MYT1L: variants seen among roughly 807,000 people sequenced by gnomAD.
The protein encoded by MYT1L is myelin transcription factor 1-like protein.
Under a neutral mutation model 126.7 loss-of-function variants are expected in MYT1L, and 12 were observed. That is an observed-to-expected ratio of 0.09 (90% confidence interval 0.06 to 0.15). MYT1L has a LOEUF of 0.15. MYT1L is among the 10% of genes least tolerant of loss of function. The probability of loss-of-function intolerance (pLI) is 1.00; values close to 1 mark genes in which losing one functional copy is unlikely to be tolerated. For missense variants in MYT1L, 979 were observed against 1,585.2 expected, an observed-to-expected ratio of 0.62 and a Z score of 6.49; for synonymous variants, 541 against 604.2, an observed-to-expected ratio of 0.90 and a Z score of 1.53.
chr2:2,144,489 G>A (rs1383789974), intron 3 of MYT1L, among the ~76,000 whole-genome samples: 1 of 152,196 alleles, frequency 6.6e-6, no homozygotes, highest in Non-Finnish European at 1.5e-5. Context: ...TCCATAGTCT[G>A]TGCAGAATCC....
chr2:1,808,115 A>G (rs1298729779), intron 22 of MYT1L, among the ~76,000 whole-genome samples: 1 of 152,172 alleles, frequency 6.6e-6, no homozygotes, highest in Non-Finnish European at 1.5e-5. Flanking sequence ...TGGAGCTGTG[A>G]GTTGATTAAT....
At chr2:1,954,911 AAAAG>A (rs1442425080) in intron 8 of MYT1L, among the ~76,000 whole-genome samples, 145 of 152,104 alleles carry the variant, frequency 9.5e-4, no homozygotes, top group African/African-American at 3.2e-3. Context: ...ACTTAATAAA[AAAAG>A]AAAGAAAGAA....
At chr2:2,327,624 T>C (rs917694638) in intron 1 of MYT1L, among the ~76,000 whole-genome samples, 14 of 152,200 alleles carry the variant, frequency 9.2e-5, no homozygotes, top group Non-Finnish European at 2.1e-4. Context: ...ATTTGCCTCC[T>C]GAACAGAGTT....
At chr2:2,282,937 T>C (rs970846768) in intron 2 of MYT1L, among the ~76,000 whole-genome samples, 2 of 152,128 alleles carry the variant, frequency 1.3e-5, no homozygotes, top group African/African-American at 4.8e-5. Context: ...TAGCCAGGTG[T>C]GGTGGCATGT....
intron 5 of MYT1L, among the ~76,000 whole-genome samples, chr2:1,987,179 G>C (rs1002389459): frequency 6.6e-6 from 1 of 152,098 alleles, no homozygotes; most frequent in African/African-American, 2.4e-5. Context: ...AGGGCTGGGG[G>C]GTACCCGAAC....
At chr2:1,901,576 T>C (rs1240756870) in intron 14 of MYT1L, among the ~76,000 whole-genome samples, 2 of 152,180 alleles carry the variant, frequency 1.3e-5, no homozygotes, top group African/African-American at 4.8e-5. Flanking sequence ...ACTATACAAA[T>C]AAATTATTAT....
At chr2:1,968,947 G>C (rs1462494304) in intron 8 of MYT1L, among the ~76,000 whole-genome samples, 1 of 152,090 alleles carries the variant, frequency 6.6e-6, no homozygotes, top group Admixed American at 6.5e-5. Context: ...GGTGCTTCTG[G>C]GGCACCCCAG....
rs138553185 is a variant in MYT1L at position 2,069,471 on chromosome 2, T to C, written c.-303-15348A>G. Among the ~76,000 whole-genome samples, 567 of 152,336 alleles carry C rather than the reference T, an allele frequency of 3.7e-3. 3 individuals are homozygous for C. Among genetic ancestry groups the C allele is most frequent in the African/African-American group, 0.011 (474 of 41,578 alleles). On this transcript the variant is annotated intron_variant, in intron 3 of 24. Coordinates refer to ENST00000647738, the MANE Select transcript of MYT1L (RefSeq NM_001303052.2). ...CACATTTGCTTTATCCAGTCTATCA[T>C]TGATAGGCATTTGGGTTGGTTCCAA...
chr2:2,020,380 G>A (rs1029344462), intron 4 of MYT1L, among the ~76,000 whole-genome samples: 12 of 152,212 alleles, frequency 7.9e-5, no homozygotes, highest in African/African-American at 2.9e-4. Context: ...AGATGCCAAG[G>A]AGTCGCCCTT....
rs2054610859 is a variant in MYT1L at position 1,929,135 on chromosome 2, G to C, written c.506-5872C>G. 6.6e-6 allele frequency among the ~76,000 whole-genome samples: 1 copy of C among 152,176 alleles called. No individual in the cohort carries two copies. The highest frequency in any genetic ancestry group is 6.5e-5 in the Admixed American group (1 of 15,280). On this transcript the variant is annotated intron_variant, in intron 9 of 24. Transcript: ENST00000647738. The surrounding 1 kb of genome is among the most constrained non-coding windows in gnomAD (Gnocchi z 4.7). ...TTCAAAGGCCCCAGGCGCATGCTGAGACACTGCAGTCTCTTTCCTTTCATA... is the reference window on the plus strand; with the variant it reads ...TTCAAAGGCCCCAGGCGCATGCTGACACACTGCAGTCTCTTTCCTTTCATA...
chr2:2,257,395 A>G (rs905788023), intron 2 of MYT1L, among the ~76,000 whole-genome samples: 1 of 152,142 alleles, frequency 6.6e-6, no homozygotes, highest in African/African-American at 2.4e-5. Context: ...GAAAGATCCA[A>G]TCTTGGCTGC....
At chr2:2,030,782 C>T (rs759816489) in intron 4 of MYT1L, among the ~76,000 whole-genome samples, 1 of 152,182 alleles carries the variant, frequency 6.6e-6, no homozygotes, top group Non-Finnish European at 1.5e-5. Flanking sequence ...TCTCAGCCCA[C>T]ACTGATATGA....
rs147538907 is a variant in MYT1L, at chr2:2,038,535, C to T, written c.-158+15443G>A. On this transcript the variant is annotated intron_variant, in intron 4 of 24. Transcript: ENST00000647738. ...CCCAGTTCGGCTCATCTTGTCTGGA[C>T]GCCATGTTTATTTGTCAATATTTCT... is the stretch of plus-strand genomic sequence containing the variant. 3.3e-3 allele frequency among the ~76,000 whole-genome samples: 506 copies of T among 152,272 alleles called. 5 individuals carry two copies. The highest frequency in any genetic ancestry group is 7.3e-3 in the Admixed American group (111 of 15,292).
intron 9 of MYT1L, among the ~76,000 whole-genome samples, chr2:1,928,906 G>A (rs114795493): frequency 0.011 from 1,733 of 152,240 alleles, 16 homozygotes; most frequent in Middle Eastern, 0.034. Context: ...CAGGTGCCTG[G>A]GAAGCCTGAG....
At chr2:2,069,150 G>A (rs988420938) in intron 3 of MYT1L, among the ~76,000 whole-genome samples, 3 of 151,908 alleles carry the variant, frequency 2.0e-5, no homozygotes, top group African/African-American at 7.3e-5. Flanking sequence ...GCATACATGT[G>A]CCATGGTGGT....
chr2:1,904,759 G>A (rs970399645), intron 13 of MYT1L, among the ~76,000 whole-genome samples: 5 of 151,750 alleles, frequency 3.3e-5, no homozygotes, highest in Admixed American at 1.3e-4. Context: ...AGCCTCCCAG[G>A]CAGCTGGGAT....
intron 22 of MYT1L, among the ~76,000 whole-genome samples, chr2:1,804,399 G>A (rs1213087613): frequency 6.6e-6 from 1 of 152,140 alleles, no homozygotes; most frequent in African/African-American, 2.4e-5. Context: ...TGGGATTACA[G>A]GCGTGAGCCA....
chr2:1,861,917 T>TCTG (rs2044706279), intron 18 of MYT1L, among the ~76,000 whole-genome samples: 15 of 152,234 alleles, frequency 9.9e-5, no homozygotes, highest in South Asian at 4.1e-4. Flanking sequence ...TAATCCTGGA[T>TCTG]CCTCCTGCAG....
intron 11 of MYT1L, among the ~76,000 whole-genome samples, chr2:1,916,989 TA>T (rs1303091237): frequency 1.3e-5 from 2 of 152,158 alleles, no homozygotes; most frequent in Non-Finnish European, 2.9e-5. Context: ...GGAGCTTTGT[TA>T]GGGGCGGTGG....
Sources: allele counts gnomAD v4.1 joint callset (sites outside exome capture counted in the v4.1 genomes callset), GRCh38; gene constraint gnomAD v4.1.1; non-coding constraint Gnocchi (gnomAD v3.1); transcripts MANE v1.5; gene names NCBI Gene and HGNC (gene_info 2026-07-23, HGNC 2026-07-21).